PRMT8: variants seen among roughly 807,000 people sequenced by gnomAD.
PRMT8 encodes the protein protein arginine N-methyltransferase 8.
A neutral mutation model predicts 47.1 loss-of-function variants in PRMT8; 7 were observed. The observed-to-expected ratio is 0.15, with a 90% CI of 0.08 to 0.28. The LOEUF (loss-of-function observed/expected upper bound fraction) is 0.28, where lower values mean the gene tolerates loss of function less well. Among genes scored for constraint, PRMT8 ranks in the 10% least tolerant of loss-of-function variants. The pLI is 1.00. For synonymous variants in PRMT8, 188 were observed against 186.5 expected (o/e 1.01, Z -0.07); for missense variants, 237 against 505.4 (o/e 0.47, Z 5.09).
intron 7 of PRMT8, among the ~76,000 whole-genome samples, chr12:3,579,781 C>G (rs1867019140): frequency 6.6e-6 from 1 of 152,158 alleles, no homozygotes; most frequent in Admixed American, 6.5e-5. Flanking sequence ...CTATTTTAAC[C>G]AGACTTCTGC....
chr12:3,554,444 C>T (rs961839313), intron 4 of PRMT8, among the ~76,000 whole-genome samples: 1 of 152,194 alleles, frequency 6.6e-6, no homozygotes. Flanking sequence ...AGGGCACTAG[C>T]CCCCTGTAGG....
In PRMT8 at chr12:3,593,598, C is replaced by G. The variant is rs146528733; in HGVS notation, c.*416C>G. 2,223 of 238,208 alleles carry G rather than the reference C, an allele frequency of 9.3e-3. 20 individuals are homozygous for G. Among genetic ancestry groups the G allele is most frequent in the Non-Finnish European group, 0.014 (1,651 of 122,050 alleles). 14.8% of individuals were successfully genotyped at this position (238,208 alleles called of 1,614,324 possible). A position where few individuals can be genotyped will look rare whatever the true frequency, so the allele number is the denominator to read the frequency against. On this transcript the variant is annotated 3_prime_UTR_variant, in exon 10 of 10. Coordinates refer to ENST00000382622, the MANE Select transcript of PRMT8 (RefSeq NM_019854.5). This position sits in a 1 kb window ranked among gnomAD's most constrained non-coding sequence, Gnocchi z 4.8. ...TCTTTGATAGCATAAGCCAGATTAT[C>G]TGTGTGTGCGGTGGTGTGCGTGTGC... is the stretch of plus-strand genomic sequence containing the variant.
At position 3,491,612 on chromosome 12, in the gene PRMT8, C is replaced by T. The variant is rs544870272; in HGVS notation, c.-14C>T. ...CTCTACTATCTCGGTATCACCAAACCCTTGCCGGCTCTTATGGGCATGAAA... is the reference window on the plus strand; with the variant it reads ...CTCTACTATCTCGGTATCACCAAACTCTTGCCGGCTCTTATGGGCATGAAA... On this transcript the variant is annotated 5_prime_UTR_variant, in exon 1 of 10. Coordinates refer to ENST00000382622, the MANE Select transcript of PRMT8 (RefSeq NM_019854.5). 3.7e-6 allele frequency: 6 copies of T among 1,611,856 alleles called. No homozygotes were observed. The highest frequency in any genetic ancestry group is 5.1e-6 in the Non-Finnish European group (6 of 1,179,558).
In PRMT8 at chr12:3,566,488, G is replaced by C. The variant is rs1261404944; in HGVS notation, c.482-2218G>C. ...ACTGAACCTCACTGTAGAGTGACCA[G>C]GGTCAATGCATGTGTACAAAGTGTC... On this transcript the variant is annotated intron_variant, in intron 4 of 9. Transcript: ENST00000382622. This position sits in a 1 kb window ranked among gnomAD's most constrained non-coding sequence, Gnocchi z 4.7. Among the ~76,000 whole-genome samples the C allele has an allele frequency of 6.6e-6, 1 of 152,206 alleles. No individual in the cohort carries two copies. The highest frequency in any genetic ancestry group is 1.5e-5 in the Non-Finnish European group (1 of 68,024).
chr12:3,491,723 G>T (rs746344940), intron 1 of PRMT8, 23 bp downstream of exon 1: 1 of 1,595,552 alleles, frequency 6.3e-7, no homozygotes, highest in Non-Finnish European at 8.5e-7. Context: ...GCGAGCAGGG[G>T]CTCTCGGAGA....
chr12:3,537,732 G>T (rs893486880), intron 1 of PRMT8, among the ~76,000 whole-genome samples: 1 of 151,960 alleles, frequency 6.6e-6, no homozygotes, highest in Non-Finnish European at 1.5e-5. Context: ...CCTACATTTT[G>T]TCAGTTGCCA....
At position 3,569,411 on chromosome 12, in the gene PRMT8, T is replaced by A. The variant is rs1866803713; in HGVS notation, c.625-66T>A. 3.6e-6 allele frequency: 5 copies of A among 1,370,812 alleles called. No homozygotes were observed. In the South Asian group the frequency reaches 5.8e-5, roughly 16 times the overall value. The allele number at this position is 1,370,812 out of a possible 1,614,324, so 84.9% of individuals were successfully genotyped here. ...CTTGTCTGGTGACTCTATGTGCAGT[T>A]CAAAATGTGATGTCTTTGTCAGGTG... On this transcript the variant is annotated intron_variant, in intron 5 of 9. Transcript: ENST00000382622. The surrounding 1 kb of genome is among the most constrained non-coding windows in gnomAD (Gnocchi z 8.2).
chr12:3,464,090 G>A (rs777423146), intron 1 of PRMT8, among the ~76,000 whole-genome samples: 1 of 152,096 alleles, frequency 6.6e-6, no homozygotes, highest in African/African-American at 2.4e-5. Flanking sequence ...AGCGGGGAGG[G>A]GATCTTTAGC....
At chr12:3,448,720 C>CT (rs1409260775) in intron 1 of PRMT8, among the ~76,000 whole-genome samples, 3 of 152,050 alleles carry the variant, frequency 2.0e-5, no homozygotes, top group Non-Finnish European at 2.9e-5. Context: ...TTTTGCAAAT[C>CT]TTTTTAAAAA....
chr12:3,518,799 A>G (rs941097880), intron 1 of PRMT8, among the ~76,000 whole-genome samples: 1 of 152,230 alleles, frequency 6.6e-6, no homozygotes, highest in Non-Finnish European at 1.5e-5. Flanking sequence ...GTGTTTCTGC[A>G]AAGGCTCTTG....
chr12:3,466,949 C>G (rs79360462), intron 1 of PRMT8, among the ~76,000 whole-genome samples: 1 of 152,038 alleles, frequency 6.6e-6, no homozygotes, highest in Admixed American at 6.6e-5. Context: ...GAAATTGTGT[C>G]AGAGATGACT....
At chr12:3,472,474 C>T (rs1865170584) in intron 1 of PRMT8, among the ~76,000 whole-genome samples, 1 of 152,238 alleles carries the variant, frequency 6.6e-6, no homozygotes, top group Non-Finnish European at 1.5e-5. Flanking sequence ...AAAGGCCTCA[C>T]TTTGAATCCC....
intron 4 of PRMT8, among the ~76,000 whole-genome samples, chr12:3,567,819 A>G (rs916946758): frequency 6.6e-6 from 1 of 152,196 alleles, no homozygotes; most frequent in Admixed American, 6.5e-5. Context: ...CATGCCTGTA[A>G]TCCCAGCACT....
intron 3 of PRMT8, 127 bp from the exon 4 acceptor site, chr12:3,553,524 G>A (rs1289675188): frequency 8.7e-6 from 7 of 807,298 alleles, no homozygotes; most frequent in South Asian, 4.5e-5. Flanking sequence ...CTGCCACAAA[G>A]TTGTGATGCA....
At position 3,576,162 on chromosome 12, in the gene PRMT8, G is replaced by A. The variant is rs1255147207; in HGVS notation, c.713-709G>A. On this transcript the variant is annotated intron_variant, in intron 6 of 9. Transcript: ENST00000382622. The surrounding 1 kb of genome is among the most constrained non-coding windows in gnomAD (Gnocchi z 4.0). ...GGGGACAAGGAGCACGGCTGACAAG[G>A]AGAGGGTTTGTGCTCCACTTGGGGG... Among the ~76,000 whole-genome samples the A allele has an allele frequency of 6.6e-6, 1 of 152,192 alleles. No homozygotes were observed. The highest frequency in any genetic ancestry group is 1.5e-5 in the Non-Finnish European group (1 of 68,036).
chr12:3,507,817 G>A (rs1865654121), intron 1 of PRMT8, among the ~76,000 whole-genome samples: 1 of 147,164 alleles, frequency 6.8e-6, no homozygotes, highest in African/African-American at 2.5e-5. Context: ...GGAGTGCAGT[G>A]GTGCGATCTC....
At chr12:3,548,428 C>A (rs1866363341) in intron 2 of PRMT8, among the ~76,000 whole-genome samples, 1 of 152,114 alleles carries the variant, frequency 6.6e-6, no homozygotes, top group African/African-American at 2.4e-5. Context: ...AATATATATG[C>A]AGTATATCTG....
chr12:3,507,517 C>T (rs1037992953), intron 1 of PRMT8, among the ~76,000 whole-genome samples: 4 of 152,114 alleles, frequency 2.6e-5, no homozygotes, highest in African/African-American at 9.7e-5. Flanking sequence ...CTCTGACAAG[C>T]AGTTATGACA....
chr12:3,581,652 T>A (rs910790175), intron 7 of PRMT8, among the ~76,000 whole-genome samples: 1 of 152,302 alleles, frequency 6.6e-6, no homozygotes, highest in Admixed American at 6.5e-5. Flanking sequence ...AGAAACACAG[T>A]GTAATTGGCA....
Sources: allele counts gnomAD v4.1 joint callset (sites outside exome capture counted in the v4.1 genomes callset), GRCh38; gene constraint gnomAD v4.1.1; non-coding constraint Gnocchi (gnomAD v3.1); transcripts MANE v1.5; gene names NCBI Gene and HGNC (gene_info 2026-07-23, HGNC 2026-07-21).